Variants in SEZ6L observed in about 807,000 individuals in gnomAD.
SEZ6L encodes the protein seizure related 6 homolog like.
SEZ6L carries 37 observed loss-of-function variants against 106.2 expected under a neutral mutation model. That is an observed-to-expected ratio of 0.35 (90% CI 0.27 to 0.46). The LOEUF (loss-of-function observed/expected upper bound fraction) is 0.46, where lower values mean the gene tolerates loss of function less well. Ranked by LOEUF, SEZ6L falls within the 20% of genes least tolerant of loss-of-function variation. The probability of loss-of-function intolerance (pLI) is 1.00; values close to 1 mark genes in which losing one functional copy is unlikely to be tolerated. For missense variants in SEZ6L, 1,172 were observed against 1,332.8 expected (o/e 0.88, Z 1.88); for synonymous variants, 541 against 570.4 (o/e 0.95, Z 0.73).
intron 1 of SEZ6L, among the ~76,000 whole-genome samples, chr22:26,246,063 C>G (rs1340850202): frequency 6.6e-6 from 1 of 152,170 alleles, no homozygotes; most frequent in Non-Finnish European, 1.5e-5. Context: ...CTACACATAT[C>G]AAGACAGGAT....
intron 1 of SEZ6L, among the ~76,000 whole-genome samples, chr22:26,170,322 T>G (rs1938498833): frequency 6.6e-6 from 1 of 151,942 alleles, no homozygotes; most frequent in African/African-American, 2.4e-5. Context: ...GATACCGGAC[T>G]TGGGTGTGGC....
intron 1 of SEZ6L, among the ~76,000 whole-genome samples, chr22:26,277,562 T>G (rs986952610): frequency 9.2e-5 from 14 of 152,242 alleles, no homozygotes; most frequent in African/African-American, 3.1e-4. Flanking sequence ...TCTTTGCTTG[T>G]AAGTCAAAGC....
intron 1 of SEZ6L, chr22:26,244,383 C>T (rs9613141): frequency 0.026 from 3,940 of 152,350 alleles, 186 homozygotes; most frequent in East Asian, 0.23. Context: ...AAGTCCTAGC[C>T]ACTGGGGAGA....
At chr22:26,302,857 C>T (rs2081498734) in intron 5 of SEZ6L, among the ~76,000 whole-genome samples, 2 of 152,226 alleles carry the variant, frequency 1.3e-5, no homozygotes, top group African/African-American at 4.8e-5. Context: ...AGAGAAGCCG[C>T]AAACGATCAG....
intron 5 of SEZ6L, among the ~76,000 whole-genome samples, chr22:26,305,367 C>A (rs2081598791): frequency 6.6e-6 from 1 of 152,168 alleles, no homozygotes; most frequent in South Asian, 2.1e-4. Flanking sequence ...GTTTTCTAGG[C>A]TTTTCACTAA....
At position 26,340,503 on chromosome 22, in the gene SEZ6L, G is replaced by C; in HGVS notation, c.2083G>C (p.Gly695Arg). Reference sequence around the variant, plus strand: ...CGACGAGGTCATGCCCCACATCTTGGGGCAGTACCTTGGGAACAGTGGCCC... The same window carrying C: ...CGACGAGGTCATGCCCCACATCTTGCGGCAGTACCTTGGGAACAGTGGCCC... ...DGDEVMPHIL[G>R]QYLGNSGPQK... is the part of the protein sequence containing the mutation. Residue 695 changes from glycine (G) to arginine (R), a missense_variant, in exon 10 of 17, where the codon GGG becomes CGG. Physicochemically the swap from Gly to Arg is moderately radical, Grantham distance 125. Coordinates refer to ENST00000248933, the MANE Select transcript of SEZ6L (RefSeq NM_021115.5). 6.2e-7 allele frequency: 1 copy of C among 1,614,090 alleles called. No homozygotes were observed. The highest frequency in any genetic ancestry group is 1.1e-5 in the South Asian group (1 of 91,066).
At chr22:26,276,697 T>C (rs998123023) in intron 1 of SEZ6L, among the ~76,000 whole-genome samples, 1 of 152,214 alleles carries the variant, frequency 6.6e-6, no homozygotes, top group African/African-American at 2.4e-5. Flanking sequence ...TAAATCACAC[T>C]GCATTCCTCT....
chr22:26,192,664 T>C (rs555161156), intron 1 of SEZ6L, among the ~76,000 whole-genome samples: 1 of 152,356 alleles, frequency 6.6e-6, no homozygotes, highest in African/African-American at 2.4e-5. Context: ...GATATATTAC[T>C]TTCAGCTCTC....
intron 4 of SEZ6L, among the ~76,000 whole-genome samples, chr22:26,297,773 TA>T (rs1190519443): frequency 6.6e-6 from 1 of 151,864 alleles, no homozygotes; most frequent in African/African-American, 2.4e-5. Context: ...TTGCTTGTTT[TA>T]TTTCTTCATT....
intron 1 of SEZ6L, among the ~76,000 whole-genome samples, chr22:26,286,663 C>T (rs2080942044): frequency 6.6e-6 from 1 of 151,900 alleles, no homozygotes; most frequent in Admixed American, 6.6e-5. Context: ...TGTTACGCTA[C>T]TGCTTGGAAT....
rs530677652 is a variant in SEZ6L, at chr22:26,292,804, G to A, written c.493G>A (p.Gly165Ser). The A allele has an allele frequency of 3.1e-6, 5 of 1,614,046 alleles. No individual in the cohort carries two copies. In the East Asian group the frequency reaches 8.9e-5, roughly 29 times the overall value. ...CCTCTCCTCCTCCACGGAGAAGCCT[G>A]GCCCACCGGGGGACCCGGACCCCAT... Reference protein sequence around the residue: ...DLLSSSTEKPGPPGDPDPIVA... With the variant: ...DLLSSSTEKPSPPGDPDPIVA... The change falls in exon 2 of 17, where the codon GGC (glycine) becomes AGC (serine). Residue 165 changes from glycine (G) to serine (S), a missense_variant. Around this residue, in one of 4 missense-constraint regions of SEZ6L, gnomAD observed 494 missense variants for 445.8 expected, o/e 1.11. Transcript: ENST00000248933.
intron 16 of SEZ6L, among the ~76,000 whole-genome samples, chr22:26,379,859 T>G (rs2084357262): frequency 6.6e-6 from 1 of 152,234 alleles, no homozygotes; most frequent in African/African-American, 2.4e-5. Flanking sequence ...CTCAATGGCT[T>G]AATGCAACAA....
At chr22:26,272,563 G>C (rs1000689015) in intron 1 of SEZ6L, among the ~76,000 whole-genome samples, 2 of 152,192 alleles carry the variant, frequency 1.3e-5, no homozygotes, top group Non-Finnish European at 2.9e-5. Context: ...CTTGCTCCTG[G>C]TTCCACAGCC....
intron 1 of SEZ6L, among the ~76,000 whole-genome samples, chr22:26,203,653 A>G (rs1459410393): frequency 6.6e-6 from 1 of 152,174 alleles, no homozygotes; most frequent in East Asian, 1.9e-4. Context: ...AAGTCTTACA[A>G]CAACTCTAGA....
intron 1 of SEZ6L, among the ~76,000 whole-genome samples, chr22:26,211,456 A>G (rs1298508610): frequency 6.6e-6 from 1 of 152,146 alleles, no homozygotes; most frequent in East Asian, 1.9e-4. Flanking sequence ...AGGAAGGTAG[A>G]TCCAGCTCTG....
intron 6 of SEZ6L, 72 bp from the exon 7 acceptor site, chr22:26,310,598 C>A: frequency 6.5e-7 from 1 of 1,531,544 alleles, no homozygotes; most frequent in Non-Finnish European, 9.0e-7. Context: ...AGTCGTAGCA[C>A]ATCCCTTCCT....
At chr22:26,350,993 G>A (rs898122993) in intron 11 of SEZ6L, 59 bp from the exon 12 acceptor site, 1 of 1,520,222 alleles carries the variant, frequency 6.6e-7, no homozygotes, top group Non-Finnish European at 8.9e-7. Flanking sequence ...GTAATTCTCA[G>A]CAAACCCATG....
At chr22:26,258,853 G>A (rs2079909048) in intron 1 of SEZ6L, among the ~76,000 whole-genome samples, 1 of 152,202 alleles carries the variant, frequency 6.6e-6, no homozygotes, top group East Asian at 1.9e-4. Flanking sequence ...TTGTTCTGAG[G>A]GAGGAAATAT....
intron 1 of SEZ6L, among the ~76,000 whole-genome samples, chr22:26,208,639 T>C (rs1349726538): frequency 2.0e-5 from 3 of 152,144 alleles, no homozygotes; most frequent in Admixed American, 6.5e-5. Flanking sequence ...TCTTTAGATG[T>C]TTTCAATATT....
Sources: gnomAD v4.1 joint callset for allele counts (sites outside exome capture counted in the v4.1 genomes callset) on GRCh38, gnomAD v4.1.1 for gene constraint, gnomAD v4.1.1 regional missense constraint, MANE v1.5 for transcripts, NCBI Gene and HGNC (gene_info 2026-07-23, HGNC 2026-07-21) for gene names.